The following DNAH5 variants were observed in gnomAD, a reference collection of about 807,000 sequenced individuals.
DNAH5 encodes dynein axonemal heavy chain 5.
DNAH5 carries 372 observed loss-of-function variants against 518.2 expected under a neutral mutation model. That is an observed-to-expected ratio of 0.72 (90% confidence interval 0.66 to 0.78). The LOEUF (loss-of-function observed/expected upper bound fraction) is 0.78, where lower values mean the gene tolerates loss of function less well. Ranked by LOEUF, DNAH5 falls within the 30% of genes least tolerant of loss-of-function variation. The pLI is 0.00. For missense variants in DNAH5, 5,523 were observed against 5,687.0 expected, an observed-to-expected ratio of 0.97 and a Z score of 0.93; for synonymous variants, 2,039 against 2,025.9, an observed-to-expected ratio of 1.01 and a Z score of -0.17.
At chr5:13,994,105 C>A (rs1316185953) in intron 1 of DNAH5, among the ~76,000 whole-genome samples, 6 of 152,164 alleles carry the variant, frequency 3.9e-5, no homozygotes, top group Non-Finnish European at 8.8e-5. Context: ...CGCATCCCAG[C>A]CTCCGCCTAC....
chr5:13,914,011 T>C lies in DNAH5; in HGVS notation c.1321-53A>G, dbSNP rs10513162. 0.4 allele frequency: 625,294 copies of C among 1,582,328 alleles called. 130,055 individuals are homozygous for C. The highest frequency in any genetic ancestry group is 0.84 in the East Asian group (37,394 of 44,416). The stretch of plus-strand genomic sequence containing the variant: ...AAAGGGAACAAGAAAGGTATCAACT[T>C]TATTTTCTTAAGTGAAGGCGACAGC... On this transcript the variant is annotated intron_variant, in intron 10 of 78. Coordinates refer to ENST00000265104, the MANE Select transcript of DNAH5 (RefSeq NM_001369.3).
At position 13,850,772 on chromosome 5, in the gene DNAH5, A is replaced by T. The variant is rs1766725174; in HGVS notation, c.4994T>A (p.Ile1665Asn). The part of the protein sequence containing the change: ...FSNIDKSWVK[I>N]MTRAHEVPSV... ...GGGCACTTCATGTGCCCGAGTCATG[A>T]TCTTCACCCAAGATTTATCTATGTT... The change falls in exon 31 of 79, where the codon ATC (isoleucine) becomes AAC (asparagine). Residue 1665 changes from isoleucine to asparagine, a missense_variant. Ile to Asn is a moderately radical substitution (Grantham distance 149). Coordinates refer to ENST00000265104, the MANE Select transcript of DNAH5 (RefSeq NM_001369.3). 2 of 1,614,168 alleles carry T rather than the reference A, an allele frequency of 1.2e-6. No individual in the cohort carries two copies. The highest frequency in any genetic ancestry group is 1.7e-6 in the Non-Finnish European group (2 of 1,180,004).
intron 1 of DNAH5, among the ~76,000 whole-genome samples, chr5:13,939,612 C>G (rs1779275082): frequency 1.3e-5 from 2 of 152,108 alleles, no homozygotes; most frequent in Non-Finnish European, 1.5e-5. Flanking sequence ...CGGCCTCTCT[C>G]AGAGAGAAGA....
At chr5:13,987,565 T>C (rs181729195) in intron 1 of DNAH5, among the ~76,000 whole-genome samples, 1 of 152,292 alleles carries the variant, frequency 6.6e-6, no homozygotes, top group Admixed American at 6.5e-5. Context: ...TATAAGAATC[T>C]AATCTTGCCA....
At chr5:13,884,916 A>T in intron 19 of DNAH5, 73 bp downstream of exon 19, 1 of 156,342 alleles carries the variant, frequency 6.4e-6, no homozygotes, top group Non-Finnish European at 8.6e-6. Flanking sequence ...GCACACGTGC[A>T]CACACACACA....
At chr5:14,006,407 G>A (rs991277735) in intron 1 of DNAH5, among the ~76,000 whole-genome samples, 23 of 152,272 alleles carry the variant, frequency 1.5e-4, no homozygotes, top group South Asian at 8.3e-4. Context: ...CTTTCTCACA[G>A]TTCTGGAAGC....
At chr5:13,866,934 A>T (rs1769338300) in intron 25 of DNAH5, among the ~76,000 whole-genome samples, 1 of 152,156 alleles carries the variant, frequency 6.6e-6, no homozygotes, top group African/African-American at 2.4e-5. Flanking sequence ...ACCTATATGG[A>T]TAATTAAAAT....
intron 1 of DNAH5, among the ~76,000 whole-genome samples, chr5:13,952,568 AAT>A (rs1195034358): frequency 3.3e-5 from 5 of 152,190 alleles, no homozygotes; most frequent in African/African-American, 1.2e-4. Context: ...GGCAGGGATC[AAT>A]ATGTCTTACC....
intron 75 of DNAH5, among the ~76,000 whole-genome samples, chr5:13,713,434 CATATATATATATATAT>C (rs200836910): frequency 1.3e-4 from 9 of 70,658 alleles, no homozygotes; most frequent in Admixed American, 1.9e-4. Context: ...TATACATCGA[CATATATATATATATAT>C]ATATATATAT....
intron 21 of DNAH5, among the ~76,000 whole-genome samples, chr5:13,879,449 T>A (rs1368312367): frequency 2.6e-5 from 4 of 152,148 alleles, no homozygotes; most frequent in Admixed American, 1.3e-4. Context: ...GCTCTTTGAC[T>A]TACTATAAAG....
intron 75 of DNAH5, 127 bp from the exon 76 acceptor site, chr5:13,708,462 T>C (rs1743079763): frequency 1.2e-6 from 1 of 864,582 alleles, no homozygotes; most frequent in Non-Finnish European, 1.8e-6. Context: ...TTCTAATTTA[T>C]TGCATGGCAA....
Position 13,820,500 on chromosome 5 carries a change from C to G in DNAH5, c.6688-1G>C. 1 of 1,613,880 alleles carries G rather than the reference C, an allele frequency of 6.2e-7. No individual in the cohort carries two copies. The highest frequency in any genetic ancestry group is 2.2e-5 in the East Asian group (1 of 44,874). On this transcript the variant is annotated splice_acceptor_variant, in intron 40 of 78. Coordinates refer to ENST00000265104, the MANE Select transcript of DNAH5 (RefSeq NM_001369.3). LOFTEE classifies it high-confidence loss of function. ...GGTTGATTAAACCAGCTTCTTCAAC[C>G]TGAAAACATAAGAGAATCCCCACAT... is the stretch of plus-strand genomic sequence containing the variant.
At chr5:13,858,722 T>C (rs1767971724) in intron 30 of DNAH5, among the ~76,000 whole-genome samples, 1 of 152,202 alleles carries the variant, frequency 6.6e-6, no homozygotes, top group Non-Finnish European at 1.5e-5. Flanking sequence ...ATTTTATCTG[T>C]CATCTGTAAT....
chr5:13,833,211 C>A (rs1361237662), intron 35 of DNAH5, among the ~76,000 whole-genome samples: 2 of 150,950 alleles, frequency 1.3e-5, no homozygotes, highest in Admixed American at 1.3e-4. Flanking sequence ...GAGGCCGAGG[C>A]GGATGGATCA....
intron 75 of DNAH5, among the ~76,000 whole-genome samples, chr5:13,712,395 T>C (rs534862332): frequency 1.3e-5 from 2 of 152,300 alleles, no homozygotes; most frequent in East Asian, 3.9e-4. Flanking sequence ...AAAACCCTTC[T>C]AGACATCAGC....
At chr5:13,726,573 A>G (rs1358491300) in intron 70 of DNAH5, among the ~76,000 whole-genome samples, 1 of 152,208 alleles carries the variant, frequency 6.6e-6, no homozygotes, top group Non-Finnish European at 1.5e-5. Flanking sequence ...CCATTTCACA[A>G]TTCAGTTGGG....
At chr5:13,922,588 G>A (rs1777432320) in intron 4 of DNAH5, among the ~76,000 whole-genome samples, 1 of 151,930 alleles carries the variant, frequency 6.6e-6, no homozygotes, top group South Asian at 2.1e-4. Flanking sequence ...TTAGGCTGGT[G>A]TGGTGGCAGG....
At chr5:13,753,122 G>C (rs1234902629) in intron 63 of DNAH5, 111 bp downstream of exon 63, 7 of 786,214 alleles carry the variant, frequency 8.9e-6, no homozygotes, top group Non-Finnish European at 1.5e-5. Flanking sequence ...CTCTACCTAG[G>C]ATTACAAAAA....
rs1752484513 is a variant in DNAH5, at chr5:13,766,130, G to T, written c.9947C>A (p.Pro3316His). Residue 3316 changes from proline to histidine, a missense_variant, in exon 59 of 79, where the codon CCT becomes CAT. Pro to His is a moderately conservative substitution (Grantham distance 77, BLOSUM62 -2). This residue lies in a region of DNAH5 where 5,121 missense variants were observed against 5,223.3 expected (regional missense o/e 0.98). Coordinates refer to ENST00000265104, the MANE Select transcript of DNAH5 (RefSeq NM_001369.3). ...ATCCATGATCCGCATGATGAGGTGAGGGGGGCGGCCCAACGTGCGAACAGT... is the reference window on the plus strand; with the variant it reads ...ATCCATGATCCGCATGATGAGGTGATGGGGGCGGCCCAACGTGCGAACAGT... ...IATVRTLGRP[P>H]HLIMRIMDCV... 1.9e-6 allele frequency: 3 copies of T among 1,614,194 alleles called. No homozygotes were observed. The highest frequency in any genetic ancestry group is 2.5e-6 in the Non-Finnish European group (3 of 1,180,010).
Sources: gnomAD v4.1 joint callset for allele counts (sites outside exome capture counted in the v4.1 genomes callset) on GRCh38, gnomAD v4.1.1 for gene constraint, gnomAD v4.1.1 regional missense constraint, MANE v1.5 for transcripts, NCBI Gene and HGNC (gene_info 2026-07-23, HGNC 2026-07-21) for gene names.